AKT3: variants seen among roughly 807,000 people sequenced by gnomAD.
AKT3 encodes RAC-gamma serine/threonine-protein kinase.
Under a neutral mutation model 65.3 loss-of-function variants are expected in AKT3, and 15 were observed. The observed-to-expected ratio is 0.23, with a 90% confidence interval of 0.15 to 0.35. The LOEUF (loss-of-function observed/expected upper bound fraction) is 0.35. Ranked by LOEUF, AKT3 falls within the 10% of genes least tolerant of loss-of-function variation. The pLI is 1.00. For synonymous variants in AKT3, 206 were observed against 183.8 expected (o/e 1.12, Z -0.98); for missense variants, 243 against 576.5 (o/e 0.42, Z 5.92).
chr1:243,671,322 C>A (rs1248245081), intron 3 of AKT3, among the ~76,000 whole-genome samples: 1 of 152,100 alleles, frequency 6.6e-6, no homozygotes. Context: ...CCTCATGATC[C>A]GCCCACCTCG....
Position 243,843,194 on chromosome 1 carries a change from A to C in AKT3, c.-24T>G, listed in dbSNP as rs1018755394. On this transcript the variant is annotated 5_prime_UTR_variant, in exon 2 of 14. Coordinates refer to ENST00000673466, the MANE Select transcript of AKT3 (RefSeq NM_005465.7). ...ATGATGACTCCCCTCTGAGCCCCCA[A>C]CTTGGAGAAATGGTACTTTGTGATA... The C allele has an allele frequency of 1.9e-6, 3 of 1,610,342 alleles. No homozygotes were observed. The highest frequency in any genetic ancestry group is 2.5e-6 in the Non-Finnish European group (3 of 1,178,112).
At chr1:243,524,530 TTA>T (rs1196828630) in intron 12 of AKT3, among the ~76,000 whole-genome samples, 1 of 152,248 alleles carries the variant, frequency 6.6e-6, no homozygotes, top group African/African-American at 2.4e-5. Flanking sequence ...CAGCCATGAA[TTA>T]TGTTTTGGCT....
At chr1:243,835,352 G>A (rs1694829198) in intron 2 of AKT3, among the ~76,000 whole-genome samples, 1 of 151,994 alleles carries the variant, frequency 6.6e-6, no homozygotes, top group African/African-American at 2.4e-5. Context: ...GAGAAAGTGA[G>A]GATCTTAAAA....
At chr1:243,643,307 G>A (rs1008430406) in intron 5 of AKT3, among the ~76,000 whole-genome samples, 24 of 152,156 alleles carry the variant, frequency 1.6e-4, no homozygotes, top group African/African-American at 1.4e-4. Flanking sequence ...TACTTTAAAC[G>A]TAAATCATGA....
At chr1:243,625,124 G>GTTTTTTTTTT (rs67561828) in intron 6 of AKT3, 1 of 75,244 alleles carries the variant, frequency 1.3e-5, no homozygotes, top group African/African-American at 5.8e-5. Context: ...TGCAGTTTGT[G>GTTTTTTTTTT]TTTTTTTTTT....
intron 2 of AKT3, among the ~76,000 whole-genome samples, chr1:243,782,222 C>T (rs375605516): frequency 6.6e-6 from 1 of 152,190 alleles, no homozygotes; most frequent in Admixed American, 6.5e-5. Flanking sequence ...ACTTGTAAAG[C>T]GGTATTGGCC....
chr1:243,698,101 AAAAAT>A (rs1229782433), intron 2 of AKT3, among the ~76,000 whole-genome samples: 3 of 152,138 alleles, frequency 2.0e-5, no homozygotes, highest in East Asian at 1.9e-4. Context: ...TCCCACGTTG[AAAAAT>A]AAAATAATTC....
intron 8 of AKT3, among the ~76,000 whole-genome samples, chr1:243,585,400 A>T (rs1675718803): frequency 6.6e-6 from 1 of 152,040 alleles, no homozygotes; most frequent in South Asian, 2.1e-4. Context: ...CTACAAAATT[A>T]ACAAGAAACC....
At chr1:243,626,793 T>C (rs1011143807) in intron 6 of AKT3, among the ~76,000 whole-genome samples, 14 of 152,190 alleles carry the variant, frequency 9.2e-5, no homozygotes, top group Admixed American at 7.9e-4. Context: ...AAAATTAGTA[T>C]GTTTGAATGA....
intron 6 of AKT3, among the ~76,000 whole-genome samples, chr1:243,636,780 G>A (rs1378199633): frequency 6.6e-6 from 1 of 152,068 alleles, no homozygotes; most frequent in Non-Finnish European, 1.5e-5. Context: ...GGTGAGTAGT[G>A]AACCTAGGTG....
intron 2 of AKT3, among the ~76,000 whole-genome samples, chr1:243,809,772 C>T (rs1693006043): frequency 6.6e-6 from 1 of 152,206 alleles, no homozygotes; most frequent in Non-Finnish European, 1.5e-5. Context: ...AAATTGACCA[C>T]ATACTTGGAA....
At chr1:243,784,979 G>C (rs540953573) in intron 2 of AKT3, among the ~76,000 whole-genome samples, 9 of 151,928 alleles carry the variant, frequency 5.9e-5, no homozygotes, top group African/African-American at 1.7e-4. Flanking sequence ...GCCCAGGCTG[G>C]ATTTCAACTC....
intron 10 of AKT3, among the ~76,000 whole-genome samples, chr1:243,558,970 C>T (rs1343437308): frequency 6.6e-6 from 1 of 152,040 alleles, no homozygotes; most frequent in African/African-American, 2.4e-5. Flanking sequence ...TCAGGTACTG[C>T]TAACTCAAGA....
intron 8 of AKT3, among the ~76,000 whole-genome samples, chr1:243,580,103 A>AT (rs1457082824): frequency 2.0e-5 from 3 of 152,212 alleles, no homozygotes; most frequent in Non-Finnish European, 4.4e-5. Flanking sequence ...ACATAGCAAG[A>AT]TAGCAGATAA....
intron 2 of AKT3, among the ~76,000 whole-genome samples, chr1:243,833,537 T>C (rs375993229): frequency 6.6e-6 from 1 of 152,170 alleles, no homozygotes; most frequent in African/African-American, 2.4e-5. Context: ...GGTCTCTCCC[T>C]TGACACGTAG....
chr1:243,635,537 G>C (rs1189190491), intron 6 of AKT3, among the ~76,000 whole-genome samples: 1 of 151,764 alleles, frequency 6.6e-6, no homozygotes, highest in African/African-American at 2.4e-5. Context: ...AATGTATAAG[G>C]AATGAGGGAA....
intron 2 of AKT3, chr1:243,808,035 T>C (rs533295399): frequency 6.6e-6 from 1 of 152,010 alleles, no homozygotes; most frequent in East Asian, 1.9e-4. Context: ...CATCTGTACG[T>C]CACCATCATC....
intron 2 of AKT3, among the ~76,000 whole-genome samples, chr1:243,782,699 G>A (rs956059642): frequency 6.6e-6 from 1 of 152,180 alleles, no homozygotes; most frequent in African/African-American, 2.4e-5. Flanking sequence ...TTTAACAAAT[G>A]GAACTGGGAC....
chr1:243,763,296 A>G (rs1200957712), intron 2 of AKT3, among the ~76,000 whole-genome samples: 6 of 152,130 alleles, frequency 3.9e-5, no homozygotes, highest in Non-Finnish European at 5.9e-5. Flanking sequence ...GTAATTTTCC[A>G]ATTGGTAAGC....
Sources: allele counts gnomAD v4.1 joint callset (sites outside exome capture counted in the v4.1 genomes callset), GRCh38; gene constraint gnomAD v4.1.1; transcripts MANE v1.5; gene names NCBI Gene and HGNC (gene_info 2026-07-23, HGNC 2026-07-21).